GAPVD1: variants seen among roughly 807,000 people sequenced by gnomAD.
GAPVD1 encodes the protein GTPase-activating protein and VPS9 domain-containing protein 1.
Under a neutral mutation model 155.5 loss-of-function variants are expected in GAPVD1, and 35 were observed. That is an observed-to-expected ratio of 0.23 (90% CI 0.17 to 0.30). GAPVD1 has a LOEUF of 0.30. Ranked by LOEUF, GAPVD1 falls within the 10% of genes least tolerant of loss-of-function variation. The pLI, the probability that GAPVD1 is intolerant of heterozygous loss-of-function variation, is 1.00. For missense variants in GAPVD1, 1,429 were observed against 1,775.7 expected, an observed-to-expected ratio of 0.80 and a Z score of 3.51; for synonymous variants, 636 against 619.7, an observed-to-expected ratio of 1.03 and a Z score of -0.39.
At chr9:125,308,157 G>A (rs1274576094) in intron 8 of GAPVD1, 6 of 534,500 alleles carry the variant, frequency 1.1e-5, no homozygotes, top group Non-Finnish European at 1.6e-5. Flanking sequence ...AAAAAATTTT[G>A]GAAATGTTAT....
At chr9:125,340,898 G>GT (rs756653796) in intron 17 of GAPVD1, among the ~76,000 whole-genome samples, 34 of 152,266 alleles carry the variant, frequency 2.2e-4, no homozygotes, top group Middle Eastern at 6.8e-3. Context: ...GAGCAACATA[G>GT]TAAGACCCTG....
At chr9:125,293,841 A>ATAT (rs1491119840) in intron 2 of GAPVD1, among the ~76,000 whole-genome samples, 18 of 82,568 alleles carry the variant, frequency 2.2e-4, no homozygotes, top group African/African-American at 1.0e-3. Flanking sequence ...ATATATATAT[A>ATAT]AAAATATATT....
In GAPVD1 at chr9:125,337,315, T is replaced by C. The variant is rs770809609; in HGVS notation, c.2601T>C (p.Asn867=). Residue 867 remains asparagine (N), a synonymous_variant, in exon 17 of 28, where the codon AAT becomes AAC. Coordinates refer to ENST00000297933, the MANE Select transcript of GAPVD1 (RefSeq NM_001282680.3). ...TCCTGGAAGGAGCTGTGGGAGGAAA[T>C]GAGGCCAGGTTGCCAAACTTTGGTT... is the stretch of plus-strand genomic sequence containing the variant. ...PPILEGAVGG[N]EARLPNFGSH... The C allele has an allele frequency of 8.1e-6, 13 of 1,614,120 alleles. No homozygotes were observed. In the East Asian group the frequency reaches 2.7e-4, roughly 33 times the overall value.
At chr9:125,288,326 G>A (rs543704934) in intron 2 of GAPVD1, among the ~76,000 whole-genome samples, 18 of 152,046 alleles carry the variant, frequency 1.2e-4, no homozygotes, top group African/African-American at 3.4e-4. Context: ...TGGTCAGGCT[G>A]GTCTCAAACT....
chr9:125,319,652 A>AG (rs1843996260), intron 9 of GAPVD1, among the ~76,000 whole-genome samples: 1 of 144,952 alleles, frequency 6.9e-6, no homozygotes, highest in Admixed American at 7.2e-5. Context: ...CCCAGGCTGG[A>AG]GTGCAGTGGT....
intron 15 of GAPVD1, 93 bp from the exon 16 acceptor site, chr9:125,336,925 G>A (rs1035740908): frequency 2.9e-6 from 2 of 697,990 alleles, no homozygotes; most frequent in Non-Finnish European, 5.0e-6. Context: ...ATCAAAAAAG[G>A]AACCGTCAAA....
chr9:125,262,257 G>C (rs1833044333), intron 1 of GAPVD1, among the ~76,000 whole-genome samples: 1 of 152,154 alleles, frequency 6.6e-6, no homozygotes, highest in African/African-American at 2.4e-5. Flanking sequence ...GGGCGGCCTC[G>C]GGTGGGGGCC....
intron 10 of GAPVD1, 91 bp from the exon 11 acceptor site, chr9:125,323,707 C>G: frequency 8.4e-7 from 1 of 1,194,654 alleles, no homozygotes; most frequent in Non-Finnish European, 1.2e-6. Flanking sequence ...ACACTTTAAT[C>G]AGTTGTTAGT....
chr9:125,324,689 G>T (rs76131012), intron 11 of GAPVD1, among the ~76,000 whole-genome samples: 1,966 of 152,280 alleles, frequency 0.013, 102 homozygotes, highest in East Asian at 0.088. Context: ...GTCATTCTAG[G>T]TGAAGGACAA....
chr9:125,330,192 G>A lies in GAPVD1; in HGVS notation c.2147G>A (p.Ser716Asn). The A allele has an allele frequency of 1.2e-6, 2 of 1,610,676 alleles. No individual in the cohort carries two copies. Among genetic ancestry groups the A allele is most frequent in the Non-Finnish European group, 1.7e-6 (2 of 1,178,306 alleles). ...TCAGAGACAACAAGTGAAGCTTGGA[G>A]TGTAGAGGTATTGCCAAGTGACTCA... is the stretch of plus-strand genomic sequence containing the variant. The part of the protein sequence containing the change: ...TISETTSEAW[S>N]VEVLPSDSEA... The change falls in exon 13 of 28, where the codon AGT becomes AAT. Residue 716 changes from serine to asparagine, a missense_variant. By Grantham distance (46) the Ser-to-Asn change is conservative. Transcript: ENST00000297933.
At chr9:125,270,734 A>G (rs1834763290) in intron 2 of GAPVD1, among the ~76,000 whole-genome samples, 1 of 152,172 alleles carries the variant, frequency 6.6e-6, no homozygotes, top group Non-Finnish European at 1.5e-5. Context: ...ACCTGAGGTC[A>G]GGAGTTTGAG....
At chr9:125,290,941 G>A (rs1056172109) in intron 2 of GAPVD1, among the ~76,000 whole-genome samples, 12 of 149,412 alleles carry the variant, frequency 8.0e-5, no homozygotes, top group Non-Finnish European at 1.5e-4. Context: ...GCATTGAGCC[G>A]TGATCACATT....
intron 14 of GAPVD1, 146 bp downstream of exon 14, chr9:125,332,206 A>G: frequency 1.2e-6 from 1 of 813,028 alleles, no homozygotes; most frequent in African/African-American, 1.7e-5. Context: ...TGCACCTGAA[A>G]TCTTTGAGAA....
chr9:125,266,319 A>T lies in GAPVD1; in HGVS notation c.-198-2617A>T, dbSNP rs868794496. 4.6e-3 allele frequency among the ~76,000 whole-genome samples: 663 copies of T among 143,594 alleles called. 9 individuals carry two copies. Among genetic ancestry groups the T allele is most frequent in the South Asian group, 0.014 (61 of 4,508 alleles). The allele number at this position is 143,594 out of a possible 152,430, so 94.2% of individuals were successfully genotyped here. On this transcript the variant is annotated intron_variant, in intron 1 of 27. Coordinates refer to ENST00000297933, the MANE Select transcript of GAPVD1 (RefSeq NM_001282680.3). ...TTTTTATTTTATTTTATTTTATTTT[A>T]TTTTTTTTTTTTTAGACGGAGTCTC...
At position 125,263,645 on chromosome 9, in the gene GAPVD1, C is replaced by T; in HGVS notation, c.-199+1686C>T. On this transcript the variant is annotated intron_variant, in intron 1 of 27. Coordinates refer to ENST00000297933, the MANE Select transcript of GAPVD1 (RefSeq NM_001282680.3). Reference sequence around the variant, plus strand: ...CTCAACTGGAATTTGGCTGCTGACCCAGCCCCAGCCTCAGCTTTCTTGTCG... The same window carrying T: ...CTCAACTGGAATTTGGCTGCTGACCTAGCCCCAGCCTCAGCTTTCTTGTCG... 5 of 1,050,250 alleles carry T rather than the reference C, an allele frequency of 4.8e-6. 1 individual carries two copies. In the South Asian group the frequency reaches 5.0e-5, roughly 10 times the overall value. 65.1% of individuals were successfully genotyped at this position (1,050,250 alleles called of 1,614,324 possible). A position where few individuals can be genotyped will look rare whatever the true frequency, so the allele number is the denominator to read the frequency against.
In GAPVD1 at chr9:125,294,336, C is replaced by T. The variant is rs182902726; in HGVS notation, c.-149-1122C>T. On this transcript the variant is annotated intron_variant, in intron 2 of 27. Coordinates refer to ENST00000297933, the MANE Select transcript of GAPVD1 (RefSeq NM_001282680.3). ...GATTACAGGCATGAGCCACTGCGCC[C>T]GGCCAAAATGGCTTTTTTTTTTTTT... Among the ~76,000 whole-genome samples the T allele has an allele frequency of 2.6e-3, 395 of 150,418 alleles. 8 individuals are homozygous for T. In the East Asian group the frequency reaches 0.059, roughly 22 times the overall value.
At chr9:125,342,081 A>C (rs1847913026) in intron 18 of GAPVD1, 138 bp from the exon 19 acceptor site, 5 of 596,576 alleles carry the variant, frequency 8.4e-6, no homozygotes, top group Non-Finnish European at 9.0e-6. Context: ...TTTTAAGGAC[A>C]ATTATCAGTC....
At position 125,298,285 on chromosome 9, in the gene GAPVD1, A is replaced by G. The variant is rs189044536; in HGVS notation, c.-32-605A>G. 2.6e-3 allele frequency among the ~76,000 whole-genome samples: 394 copies of G among 152,274 alleles called. 3 individuals carry two copies. The highest frequency in any genetic ancestry group is 9.1e-3 in the African/African-American group (379 of 41,556). On this transcript the variant is annotated intron_variant, in intron 3 of 27. Coordinates refer to ENST00000297933, the MANE Select transcript of GAPVD1 (RefSeq NM_001282680.3). ...GTCAAGGATAACTCTGGGGTTAACA[A>G]ATAGACATTGTATTTGAGGATATAC...
At chr9:125,310,548 T>G (rs1348930707) in intron 8 of GAPVD1, among the ~76,000 whole-genome samples, 1 of 150,488 alleles carries the variant, frequency 6.6e-6, no homozygotes, top group Admixed American at 6.6e-5. Flanking sequence ...TTTTTTTTTT[T>G]TTTTTTTTGA....
Sources: gnomAD v4.1 joint callset for allele counts (sites outside exome capture counted in the v4.1 genomes callset) on GRCh38, gnomAD v4.1.1 for gene constraint, MANE v1.5 for transcripts, NCBI Gene and HGNC (gene_info 2026-07-23, HGNC 2026-07-21) for gene names.